The following STX7 variants were observed in gnomAD, a reference collection of about 807,000 sequenced individuals.
STX7 encodes syntaxin 7, also known as syntaxin-7.
Under a neutral mutation model 39.6 loss-of-function variants are expected in STX7, and 34 were observed. The observed-to-expected ratio is 0.86, with a 90% CI of 0.65 to 1.14. The LOEUF is 1.14. Ranked by LOEUF, STX7 falls within the 50% of genes most tolerant of loss-of-function variation. The pLI is 0.00. For synonymous variants in STX7, 119 were observed against 99.1 expected (o/e 1.20, Z -1.19); for missense variants, 284 against 310.4 (o/e 0.92, Z 0.64).
chr6:132,504,725 C>A lies in STX7; in HGVS notation c.-58-1137G>T, dbSNP rs142860507. Among the ~76,000 whole-genome samples, 949 of 152,040 alleles carry A rather than the reference C, an allele frequency of 6.2e-3. 44 individuals carry two copies. The highest frequency in any genetic ancestry group is 0.059 in the Admixed American group (895 of 15,278). ...GAAGGATAAAGTTAATAATGCAAAC[C>A]AACAAAAAACCCCACAAATCCATAA... On this transcript the variant is annotated intron_variant, in intron 1 of 9. Coordinates refer to ENST00000367941, the MANE Select transcript of STX7 (RefSeq NM_003569.3).
chr6:132,486,113 T>G (rs1030308442), intron 2 of STX7, among the ~76,000 whole-genome samples: 2 of 152,220 alleles, frequency 1.3e-5, no homozygotes, highest in Non-Finnish European at 2.9e-5. Context: ...AAATTGTAGA[T>G]TCCATCAGAT....
At chr6:132,489,936 C>A (rs1447398097) in intron 2 of STX7, among the ~76,000 whole-genome samples, 1 of 152,134 alleles carries the variant, frequency 6.6e-6, no homozygotes, top group Non-Finnish European at 1.5e-5. Flanking sequence ...AAATAAAGTA[C>A]AAAAACAAGT....
At position 132,455,868 on chromosome 6, in the gene STX7, T is replaced by A. The variant is rs1483970927; in HGVS notation, c.*4890A>T. 3 of 152,244 alleles carry A rather than the reference T, an allele frequency of 2.0e-5. No individual in the cohort carries two copies. Among genetic ancestry groups the A allele is most frequent in the African/African-American group, 7.2e-5 (3 of 41,468 alleles). 9.4% of individuals were successfully genotyped at this position (152,244 alleles called of 1,614,324 possible). On this transcript the variant is annotated 3_prime_UTR_variant, in exon 10 of 10. Transcript: ENST00000367941. ...ATAGGAAGATTTTCTTCTTTATTCC[T>A]ATTTGATTTAAAAGAAAAAGATTTG...
At chr6:132,471,429 T>C (rs902062510) in intron 5 of STX7, 34 bp downstream of exon 5, 15 of 1,596,122 alleles carry the variant, frequency 9.4e-6, no homozygotes, top group African/African-American at 2.7e-5. Context: ...CAAGTAACCA[T>C]GTTCATTTCT....
chr6:132,488,476 C>T (rs1775196405), intron 2 of STX7, among the ~76,000 whole-genome samples: 2 of 151,980 alleles, frequency 1.3e-5, no homozygotes, highest in African/African-American at 4.8e-5. Context: ...AGAAGGGTAC[C>T]GAAAGCCATA....
rs1016851691 is a variant in STX7 at position 132,449,778 on chromosome 6, C to T, written c.*10980G>A. ...CATTTCATGTTCGTTTTAATTCATA[C>T]ATTATTTAAACATATAACTGTTATT... On this transcript the variant is annotated 3_prime_UTR_variant, in exon 10 of 10. Coordinates refer to ENST00000367941, the MANE Select transcript of STX7 (RefSeq NM_003569.3). The T allele has an allele frequency of 6.6e-6, 1 of 152,174 alleles. No individual in the cohort carries two copies. Among genetic ancestry groups the T allele is most frequent in the Middle Eastern group, 3.2e-3 (1 of 316 alleles). The allele number at this position is 152,174 out of a possible 1,614,324, so 9.4% of individuals were successfully genotyped here.
chr6:132,472,263 G>A lies in STX7; in HGVS notation c.249+19C>T. On this transcript the variant is annotated intron_variant, in intron 4 of 9. Coordinates refer to ENST00000367941, the MANE Select transcript of STX7 (RefSeq NM_003569.3). ...TTTTCACATTCAATACATCAACAAT[G>A]TGTCTTAAAGCTTGATACCTGTTCA... The A allele has an allele frequency of 1.9e-6, 3 of 1,587,452 alleles. No homozygotes were observed. The highest frequency in any genetic ancestry group is 2.6e-6 in the Non-Finnish European group (3 of 1,163,862).
rs1393923377 is a variant in STX7, at chr6:132,448,752, C to G, written c.*12006G>C. On this transcript the variant is annotated 3_prime_UTR_variant, in exon 10 of 10. Transcript: ENST00000367941. ...ACTCGGGAGGCTGAGGCAGGAGAAT[C>G]AATTGAACCCGGGAAATGGAGGTTG... is the stretch of plus-strand genomic sequence containing the variant. 7.2e-6 allele frequency: 1 copy of G among 138,888 alleles called. No homozygotes were observed. Among genetic ancestry groups the G allele is most frequent in the Non-Finnish European group, 1.5e-5 (1 of 65,900 alleles). 8.6% of individuals were successfully genotyped at this position (138,888 alleles called of 1,614,324 possible).
At chr6:132,501,997 T>C (rs1437317581) in intron 2 of STX7, among the ~76,000 whole-genome samples, 1 of 152,162 alleles carries the variant, frequency 6.6e-6, no homozygotes, top group East Asian at 1.9e-4. Flanking sequence ...CAGTTCTCAA[T>C]GTACCATTCC....
chr6:132,490,295 C>T (rs565787596), intron 2 of STX7, among the ~76,000 whole-genome samples: 2 of 152,302 alleles, frequency 1.3e-5, no homozygotes, highest in South Asian at 4.1e-4. Context: ...GTCACGAGTT[C>T]CCCTCTAGTT....
At chr6:132,478,129 C>T (rs976740132) in intron 2 of STX7, among the ~76,000 whole-genome samples, 3 of 151,626 alleles carry the variant, frequency 2.0e-5, no homozygotes, top group East Asian at 1.9e-4. Context: ...GGCCAAGACA[C>T]GTGTATATCT....
rs1366769461 is a variant in STX7 at position 132,454,912 on chromosome 6, TATG to T, written c.*5843_*5845del. On this transcript the variant is annotated 3_prime_UTR_variant, in exon 10 of 10. Coordinates refer to ENST00000367941, the MANE Select transcript of STX7 (RefSeq NM_003569.3). ...CAAAATAGTACTTAAATGTTAAAAC[TATG>T]ATAACCTTTATGAGGCTGAACATTA... 1 of 152,178 alleles carries T rather than the reference TATG, an allele frequency of 6.6e-6. No homozygotes were observed. The highest frequency in any genetic ancestry group is 1.9e-4 in the East Asian group (1 of 5,196). 9.4% of individuals were successfully genotyped at this position (152,178 alleles called of 1,614,324 possible). A position where few individuals can be genotyped will look rare whatever the true frequency, so the allele number is the denominator to read the frequency against.
chr6:132,510,537 C>T (rs1007739350), intron 1 of STX7, among the ~76,000 whole-genome samples: 3 of 152,040 alleles, frequency 2.0e-5, no homozygotes, highest in South Asian at 2.1e-4. Context: ...TTGTAGCTCT[C>T]GTTTTTAAAA....
At chr6:132,462,587 G>GTGTA (rs1254166970) in intron 9 of STX7, among the ~76,000 whole-genome samples, 1 of 65,082 alleles carries the variant, frequency 1.5e-5, no homozygotes, top group Non-Finnish European at 3.5e-5. Context: ...GCAGGGGTGT[G>GTGTA]TGTGTGTGTG....
At chr6:132,491,390 AAAG>A (rs1013854638) in intron 2 of STX7, among the ~76,000 whole-genome samples, 4 of 152,236 alleles carry the variant, frequency 2.6e-5, no homozygotes, top group Non-Finnish European at 5.9e-5. Flanking sequence ...GGAACTCAGA[AAAG>A]AAGGACAAAT....
intron 2 of STX7, among the ~76,000 whole-genome samples, chr6:132,487,996 G>C (rs79270717): frequency 0.023 from 3,548 of 152,162 alleles, 126 homozygotes; most frequent in African/African-American, 0.08. Context: ...GTCATGATTT[G>C]AGACCTGTCT....
At position 132,458,463 on chromosome 6, in the gene STX7, G is replaced by A. The variant is rs1053889014; in HGVS notation, c.*2295C>T. The A allele has an allele frequency of 4.6e-5, 7 of 152,160 alleles. No homozygotes were observed. Among genetic ancestry groups the A allele is most frequent in the African/African-American group, 1.7e-4 (7 of 41,424 alleles). The allele number at this position is 152,160 out of a possible 1,614,324, so 9.4% of individuals were successfully genotyped here. A position where few individuals can be genotyped will look rare whatever the true frequency, so the allele number is the denominator to read the frequency against. ...CATTGTCGTTCAATTTACCTGGCTG[G>A]TTAATATCAGTCTGTGTTTGAGTAT... On this transcript the variant is annotated 3_prime_UTR_variant, in exon 10 of 10. Transcript: ENST00000367941.
At chr6:132,498,616 T>C (rs1430832623) in intron 2 of STX7, among the ~76,000 whole-genome samples, 1 of 152,182 alleles carries the variant, frequency 6.6e-6, no homozygotes, top group Non-Finnish European at 1.5e-5. Flanking sequence ...AATCAGATAA[T>C]TGTACTGACA....
At chr6:132,489,608 T>G (rs113283145) in intron 2 of STX7, among the ~76,000 whole-genome samples, 3,545 of 152,228 alleles carry the variant, frequency 0.023, 125 homozygotes, top group African/African-American at 0.08. Flanking sequence ...GACGAGAAAG[T>G]GTGGGAAGGG....
Sources: gnomAD v4.1 joint callset for allele counts (sites outside exome capture counted in the v4.1 genomes callset) on GRCh38, gnomAD v4.1.1 for gene constraint, MANE v1.5 for transcripts, NCBI Gene and HGNC (gene_info 2026-07-23, HGNC 2026-07-21) for gene names.